Variants in LMNTD1 observed in about 807,000 individuals in gnomAD.
LMNTD1 encodes lamin tail domain containing 1.
LMNTD1 carries 35 observed loss-of-function variants against 50.9 expected under a neutral mutation model. The ratio of observed to expected loss-of-function variants is 0.69; its 90% CI spans 0.53 to 0.91. LMNTD1 has a LOEUF of 0.91. Among genes scored for constraint, LMNTD1 ranks in the 40% least tolerant of loss-of-function variants. The pLI, the probability that LMNTD1 is intolerant of heterozygous loss-of-function variation, is 0.00. For missense variants in LMNTD1, 470 were observed against 475.5 expected, an observed-to-expected ratio of 0.99 and a Z score of 0.11; for synonymous variants, 153 against 161.9, an observed-to-expected ratio of 0.94 and a Z score of 0.42.
chr12:25,572,767 T>C (rs533495363), intron 1 of LMNTD1, among the ~76,000 whole-genome samples: 36 of 152,100 alleles, frequency 2.4e-4, no homozygotes, highest in Non-Finnish European at 4.4e-4. Context: ...TTCCTTCCTC[T>C]CTTCCTCCCT....
rs140576368 is a variant in LMNTD1, at chr12:25,630,768, G to A, written c.58+17726C>T. ...GAGGAGGCAGAAAACTTCACAGGGA[G>A]AAGGAAATCTCCAGCTGAACTTTGT... On this transcript the variant is annotated intron_variant, in intron 1 of 7. Transcript: ENST00000445693. 25 of 152,578 alleles carry A rather than the reference G, an allele frequency of 1.6e-4. No homozygotes were observed. In the East Asian group the frequency reaches 4.8e-3, roughly 29 times the overall value. The allele number at this position is 152,578 out of a possible 1,614,324, so 9.5% of individuals were successfully genotyped here. A position where few individuals can be genotyped will look rare whatever the true frequency, so the allele number is the denominator to read the frequency against.
At chr12:25,519,586 T>TTAAAAAAAAAAAAAAAAAAAAAAAA (rs781742784) in intron 7 of LMNTD1, among the ~76,000 whole-genome samples, 2 of 74,956 alleles carry the variant, frequency 2.7e-5, no homozygotes, top group Non-Finnish European at 4.6e-5. Flanking sequence ...AGACTCTGTC[T>TTAAAAAAAAAAAAAAAAAAAAAAAA]CAAAAAAAAA....
chr12:25,618,006 A>G (rs530772949), intron 1 of LMNTD1, among the ~76,000 whole-genome samples: 7 of 152,326 alleles, frequency 4.6e-5, no homozygotes, highest in Non-Finnish European at 8.8e-5. Flanking sequence ...ACAAGCTCAC[A>G]CAGCCAGTGT....
intron 8 of LMNTD1, among the ~76,000 whole-genome samples, chr12:25,513,374 C>T (rs567719124): frequency 1.3e-5 from 2 of 152,302 alleles, no homozygotes; most frequent in African/African-American, 4.8e-5. Flanking sequence ...TGGCCAGGCA[C>T]AGTGGCTCAT....
At chr12:25,510,183 T>C (rs2086021468) in intron 8 of LMNTD1, among the ~76,000 whole-genome samples, 1 of 152,188 alleles carries the variant, frequency 6.6e-6, no homozygotes, top group Admixed American at 6.6e-5. Flanking sequence ...TGTGGGATAA[T>C]TTTCTTTCTA....
At chr12:25,547,112 T>G in intron 3 of LMNTD1, 1 of 367,726 alleles carries the variant, frequency 2.7e-6, no homozygotes, top group Non-Finnish European at 3.8e-6. Flanking sequence ...ATTAGAAGTT[T>G]GCTCTTTTAA....
intron 1 of LMNTD1, among the ~76,000 whole-genome samples, chr12:25,559,130 C>T (rs185724353): frequency 4.9e-4 from 74 of 151,992 alleles, no homozygotes; most frequent in East Asian, 1.2e-3. Context: ...CATGCCATGT[C>T]GGTATGCTGC....
At chr12:25,560,342 C>T (rs998120750) in intron 1 of LMNTD1, among the ~76,000 whole-genome samples, 6 of 152,144 alleles carry the variant, frequency 3.9e-5, no homozygotes, top group African/African-American at 1.4e-4. Context: ...TGTCAAAGAT[C>T]AGATAGTTGT....
In LMNTD1 at chr12:25,549,347, A is replaced by T; in HGVS notation, c.289T>A (p.Ser97Thr). 1 of 1,608,572 alleles carries T rather than the reference A, an allele frequency of 6.2e-7. No individual in the cohort carries two copies. Among genetic ancestry groups the T allele is most frequent in the South Asian group, 1.1e-5 (1 of 90,394 alleles). The change falls in exon 3 of 10, where the codon TCC becomes ACC. Residue 97 changes from serine (S) to threonine (T), a missense_variant. Transcript: ENST00000458174. ...TTACCCAAGCTGTTTTCCACTCTGG[A>T]ACAGCTACCTACAGTAGCTTTAGAA... ...LTSKATVGSC[S>T]RVENSLDASP...
chr12:25,599,228 G>A (rs140583223), intron 1 of LMNTD1, among the ~76,000 whole-genome samples: 21 of 151,994 alleles, frequency 1.4e-4, no homozygotes, highest in African/African-American at 4.8e-4. Context: ...TTTCAATGAT[G>A]CTCAAGAAAA....
intron 1 of LMNTD1, among the ~76,000 whole-genome samples, chr12:25,603,508 T>G (rs991182774): frequency 7.2e-5 from 11 of 151,952 alleles, no homozygotes; most frequent in African/African-American, 2.4e-4. Flanking sequence ...AATTAGGAAA[T>G]AAGTTCTAGA....
chr12:25,563,942 G>A (rs1240199799), intron 1 of LMNTD1, among the ~76,000 whole-genome samples: 1 of 152,200 alleles, frequency 6.6e-6, no homozygotes, highest in African/African-American at 2.4e-5. Flanking sequence ...GACCCTCCAA[G>A]CCATGCGTGG....
intron 1 of LMNTD1, among the ~76,000 whole-genome samples, chr12:25,605,172 T>C (rs1247901824): frequency 1.1e-4 from 16 of 152,330 alleles, no homozygotes; most frequent in African/African-American, 3.6e-4. Flanking sequence ...GTTCATATCC[T>C]TCACCCACTT....
intron 1 of LMNTD1, among the ~76,000 whole-genome samples, chr12:25,577,934 G>A (rs1945104345): frequency 6.6e-6 from 1 of 152,124 alleles, no homozygotes; most frequent in Admixed American, 6.6e-5. Flanking sequence ...TTGGTAGCAG[G>A]TGGTGAGATT....
intron 1 of LMNTD1, chr12:25,592,862 G>T (rs1945740177): frequency 6.6e-6 from 1 of 152,208 alleles, no homozygotes; most frequent in African/African-American, 2.4e-5. Flanking sequence ...AACAGACTTG[G>T]TGCTGTTGTA....
At chr12:25,640,889 G>C (rs955857165) in intron 1 of LMNTD1, among the ~76,000 whole-genome samples, 2 of 151,988 alleles carry the variant, frequency 1.3e-5, no homozygotes, top group African/African-American at 4.8e-5. Context: ...GGATGGTCTC[G>C]ATCTCCTGAC....
chr12:25,558,502 C>T (rs1050141135), intron 1 of LMNTD1, among the ~76,000 whole-genome samples: 1 of 152,042 alleles, frequency 6.6e-6, no homozygotes, highest in African/African-American at 2.4e-5. Flanking sequence ...TTTCAATTTT[C>T]TTTTTAATTT....
At chr12:25,501,864 A>C (rs1047441960) in intron 9 of LMNTD1, among the ~76,000 whole-genome samples, 1 of 152,334 alleles carries the variant, frequency 6.6e-6, no homozygotes, top group South Asian at 2.1e-4. Flanking sequence ...CCACTCATGA[A>C]CAGTTAAACT....
chr12:25,622,436 C>G (rs1946490353), intron 1 of LMNTD1, among the ~76,000 whole-genome samples: 1 of 146,960 alleles, frequency 6.8e-6, no homozygotes, highest in South Asian at 2.2e-4. Context: ...GCGCTGGTCA[C>G]TGTTGCCCTT....
Sources: gnomAD v4.1 joint callset for allele counts (sites outside exome capture counted in the v4.1 genomes callset) on GRCh38, gnomAD v4.1.1 for gene constraint, MANE v1.5 for transcripts, NCBI Gene and HGNC (gene_info 2026-07-23, HGNC 2026-07-21) for gene names.